SLC10A2: variants seen among roughly 807,000 people sequenced by gnomAD.
SLC10A2 encodes solute carrier family 10 member 2.
Under a neutral mutation model 27.1 loss-of-function variants are expected in SLC10A2, and 34 were observed. The observed-to-expected ratio is 1.26, with a 90% confidence interval of 0.96 to 1.67. The LOEUF (loss-of-function observed/expected upper bound fraction) is 1.67. SLC10A2 is among the 40% of genes most tolerant of loss of function. SLC10A2 has a pLI of 0.00. For missense variants in SLC10A2, 530 were observed against 444.4 expected (o/e 1.19, Z -1.73); for synonymous variants, 205 against 174.0 (o/e 1.18, Z -1.40).
At chr13:103,057,801 C>T (rs970091323) in intron 2 of SLC10A2, among the ~76,000 whole-genome samples, 6 of 151,938 alleles carry the variant, frequency 3.9e-5, no homozygotes, top group Non-Finnish European at 5.9e-5. Context: ...ATTGCTTGAA[C>T]CCAGGGGGTG....
chr13:103,060,374 T>C (rs1876075650), intron 1 of SLC10A2, among the ~76,000 whole-genome samples: 1 of 136,618 alleles, frequency 7.3e-6, no homozygotes, highest in South Asian at 2.6e-4. Flanking sequence ...AGCTGGTTGC[T>C]ACTACCATTT....
At chr13:103,057,177 A>T (rs1875962830) in intron 2 of SLC10A2, among the ~76,000 whole-genome samples, 2 of 152,004 alleles carry the variant, frequency 1.3e-5, no homozygotes, top group African/African-American at 4.8e-5. Flanking sequence ...AAACCCAGGT[A>T]TTTGGGGCAT....
Position 103,065,925 on chromosome 13 carries a change from C to T in SLC10A2, c.325G>A (p.Gly109Arg). 3 of 1,614,176 alleles carry T rather than the reference C, an allele frequency of 1.9e-6. No homozygotes were observed. The highest frequency in any genetic ancestry group is 2.5e-6 in the Non-Finnish European group (3 of 1,180,014). The change falls in exon 1 of 6, where the codon GGA becomes AGA. Residue 109 changes from glycine (G) to arginine (R), a missense_variant. Transcript: ENST00000245312. ...TAGGCCAAGATATTGGAGGCAGTTCCTCCAGGGCAGCATCCTATAATGAGC... is the reference window on the plus strand; with the variant it reads ...TAGGCCAAGATATTGGAGGCAGTTCTTCCAGGGCAGCATCCTATAATGAGC... ...VVLIIGCCPG[G>R]TASNILAYWV...
At chr13:103,062,584 T>C (rs1173920503) in intron 1 of SLC10A2, among the ~76,000 whole-genome samples, 2 of 152,104 alleles carry the variant, frequency 1.3e-5, no homozygotes, top group East Asian at 3.9e-4. Context: ...TTGGGTTAGG[T>C]CTCCCAGAGT....
At chr13:103,050,550 G>A (rs1032895624) in intron 4 of SLC10A2, among the ~76,000 whole-genome samples, 1 of 152,218 alleles carries the variant, frequency 6.6e-6, no homozygotes, top group Non-Finnish European at 1.5e-5. Context: ...CTATTCCAAG[G>A]CAGCCCAACT....
rs1467528613 is a variant in SLC10A2 at position 103,044,749 on chromosome 13, C to A, written c.*1384G>T. ...AGACTCTATGAGGCAGTGAAAATAC[C>A]CAATGCAAAATGGAACAAAACCACT... On this transcript the variant is annotated 3_prime_UTR_variant, in exon 6 of 6. Coordinates refer to ENST00000245312, the MANE Select transcript of SLC10A2 (RefSeq NM_000452.3). 1 of 152,096 alleles carries A rather than the reference C, an allele frequency of 6.6e-6. No homozygotes were observed. Among genetic ancestry groups the A allele is most frequent in the South Asian group, 2.1e-4 (1 of 4,816 alleles). The allele number at this position is 152,096 out of a possible 1,614,324, so 9.4% of individuals were successfully genotyped here. A position where few individuals can be genotyped will look rare whatever the true frequency, so the allele number is the denominator to read the frequency against.
intron 1 of SLC10A2, among the ~76,000 whole-genome samples, chr13:103,064,410 T>C (rs1876212883): frequency 6.6e-6 from 1 of 152,212 alleles, no homozygotes; most frequent in African/African-American, 2.4e-5. Context: ...AGAGAATTCA[T>C]TTCAACAACC....
chr13:103,062,473 A>T (rs867892112), intron 1 of SLC10A2, among the ~76,000 whole-genome samples: 1 of 152,244 alleles, frequency 6.6e-6, no homozygotes, highest in Non-Finnish European at 1.5e-5. Flanking sequence ...TGCATGGCAT[A>T]TACTAGTGTT....
chr13:103,049,969 T>C (rs1268159751), intron 4 of SLC10A2, among the ~76,000 whole-genome samples: 1 of 151,626 alleles, frequency 6.6e-6, no homozygotes, highest in Non-Finnish European at 1.5e-5. Context: ...GGCCACATAA[T>C]GAGACCCTGT....
At position 103,066,053 on chromosome 13, in the gene SLC10A2, C is replaced by T. The variant is rs71640247; in HGVS notation, c.197G>A (p.Trp66Ter). 2.7e-4 allele frequency: 435 copies of T among 1,614,164 alleles called. No individual in the cohort carries two copies. The highest frequency in any genetic ancestry group is 4.9e-4 in the Middle Eastern group (3 of 6,062). The change falls in exon 1 of 6, where the codon TGG becomes TAG. Residue 66 changes from tryptophan to a stop codon, truncating the protein, a stop_gained. Transcript: ENST00000245312. LOFTEE classifies it high-confidence loss of function. ...ACAGAGGAAGCCAACACAAATGCCC[C>T]ACGGCCGCTTTATGTGCCCTAGAAA... ...KKFLGHIKRP[W>*]GICVGFLCQF...
Position 103,052,084 on chromosome 13 carries a change from T to A in SLC10A2, c.585+536A>T, listed in dbSNP as rs138766845. On this transcript the variant is annotated intron_variant, in intron 3 of 5. Coordinates refer to ENST00000245312, the MANE Select transcript of SLC10A2 (RefSeq NM_000452.3). The stretch of plus-strand genomic sequence containing the variant: ...ATTATCTACATACATATCCAGATCA[T>A]CTAGCTAGAATATAGTTAGTGAATG... Among the ~76,000 whole-genome samples, 521 of 152,346 alleles carry A rather than the reference T, an allele frequency of 3.4e-3. 6 individuals are homozygous for A. Among genetic ancestry groups the A allele is most frequent in the African/African-American group, 0.012 (494 of 41,576 alleles).
chr13:103,056,837 G>C (rs995590329), intron 2 of SLC10A2, among the ~76,000 whole-genome samples: 2 of 152,120 alleles, frequency 1.3e-5, no homozygotes, highest in African/African-American at 2.4e-5. Flanking sequence ...ATGTCAAGGA[G>C]GACAATTTTT....
chr13:103,052,500 A>G (rs915112257), intron 3 of SLC10A2, 120 bp downstream of exon 3: 1 of 767,744 alleles, frequency 1.3e-6, no homozygotes, highest in Non-Finnish European at 2.4e-6. Context: ...ATGGCTAATG[A>G]CTTCAGGCCC....
intron 4 of SLC10A2, among the ~76,000 whole-genome samples, chr13:103,050,085 G>T (rs181431723): frequency 6.6e-6 from 1 of 152,166 alleles, no homozygotes; most frequent in African/African-American, 2.4e-5. Context: ...TTGAGCCAAG[G>T]CTTCAGTGAG....
intron 5 of SLC10A2, among the ~76,000 whole-genome samples, 154 bp downstream of exon 5, chr13:103,049,135 A>G (rs1461871701): frequency 6.6e-6 from 1 of 152,206 alleles, no homozygotes; most frequent in South Asian, 2.1e-4. Context: ...TTTCATCAGC[A>G]ATTGGAAAGT....
Position 103,066,274 on chromosome 13 carries a change from C to G in SLC10A2, c.-25G>C, listed in dbSNP as rs201182963. Reference sequence around the variant, plus strand: ...TTGCTGGGTCTGCTGCTGGAAAGGCCAAGTCCACAGAAGCGCTGGTCCCTG... The same window carrying G: ...TTGCTGGGTCTGCTGCTGGAAAGGCGAAGTCCACAGAAGCGCTGGTCCCTG... On this transcript the variant is annotated 5_prime_UTR_variant, in exon 1 of 6. Coordinates refer to ENST00000245312, the MANE Select transcript of SLC10A2 (RefSeq NM_000452.3). 1 of 1,584,008 alleles carries G rather than the reference C, an allele frequency of 6.3e-7. No homozygotes were observed. The highest frequency in any genetic ancestry group is 8.6e-7 in the Non-Finnish European group (1 of 1,162,720).
chr13:103,065,746 T>C, intron 1 of SLC10A2, 127 bp downstream of exon 1: 1 of 1,043,056 alleles, frequency 9.6e-7, no homozygotes. Context: ...GCATTTATTC[T>C]CTCCTGTTTG....
chr13:103,061,849 A>G (rs1410046920), intron 1 of SLC10A2, among the ~76,000 whole-genome samples: 1 of 152,204 alleles, frequency 6.6e-6, no homozygotes, highest in African/African-American at 2.4e-5. Context: ...CAGATAACGA[A>G]TTTTAAGAAA....
chr13:103,061,259 C>G (rs780807097), intron 1 of SLC10A2, among the ~76,000 whole-genome samples: 3 of 152,118 alleles, frequency 2.0e-5, no homozygotes, highest in Non-Finnish European at 4.4e-5. Flanking sequence ...AGTACTTTGT[C>G]CTACTTATAA....
Sources: gnomAD v4.1 joint callset for allele counts (sites outside exome capture counted in the v4.1 genomes callset) on GRCh38, gnomAD v4.1.1 for gene constraint, MANE v1.5 for transcripts, NCBI Gene and HGNC (gene_info 2026-07-23, HGNC 2026-07-21) for gene names.